Variants in SPTLC3 observed in about 807,000 individuals in gnomAD.
SPTLC3 encodes serine palmitoyltransferase 3.
Under a neutral mutation model 59.3 loss-of-function variants are expected in SPTLC3, and 36 were observed. The ratio of observed to expected loss-of-function variants is 0.61; its 90% CI spans 0.47 to 0.80. The LOEUF (loss-of-function observed/expected upper bound fraction) is 0.80, where lower values mean the gene tolerates loss of function less well. Among genes scored for constraint, SPTLC3 ranks in the 30% least tolerant of loss-of-function variants. The pLI, the probability that SPTLC3 is intolerant of heterozygous loss-of-function variation, is 0.00. For missense variants in SPTLC3, 625 were observed against 685.1 expected, an observed-to-expected ratio of 0.91 and a Z score of 0.98; for synonymous variants, 257 against 240.8, an observed-to-expected ratio of 1.07 and a Z score of -0.62.
chr20:13,155,283 T>TAC (rs1229108476), intron 10 of SPTLC3, among the ~76,000 whole-genome samples: 1 of 152,184 alleles, frequency 6.6e-6, no homozygotes, highest in Non-Finnish European at 1.5e-5. Flanking sequence ...TTCAACATAC[T>TAC]ACGCATCAGA....
At chr20:13,076,095 A>G (rs1236965224) in intron 4 of SPTLC3, among the ~76,000 whole-genome samples, 1 of 152,202 alleles carries the variant, frequency 6.6e-6, no homozygotes, top group Non-Finnish European at 1.5e-5. Context: ...GTCAAGTTCT[A>G]AGAAAAGGAC....
intron 2 of SPTLC3, among the ~76,000 whole-genome samples, chr20:13,058,438 G>T (rs1987816252): frequency 6.6e-6 from 1 of 152,164 alleles, no homozygotes; most frequent in Admixed American, 6.5e-5. Context: ...CAGCTTATGG[G>T]ATAGAAATAT....
intron 9 of SPTLC3, among the ~76,000 whole-genome samples, chr20:13,152,494 G>T (rs1396485810): frequency 6.6e-6 from 1 of 152,154 alleles, no homozygotes; most frequent in East Asian, 1.9e-4. Context: ...TGATCCATCA[G>T]GACTCTCAGT....
rs927587036 is a variant in SPTLC3, at chr20:13,159,887, A to C, written c.1416-116A>C. On this transcript the variant is annotated intron_variant, in intron 10 of 11. Transcript: ENST00000399002. ...TCAATCATCTTCCACTTATTATCAT[A>C]AAAAAGAAAAAAGAAAAAAGAAAAA... The C allele has an allele frequency of 2.3e-6, 3 of 1,322,618 alleles. No homozygotes were observed. In the Admixed American group the frequency reaches 7.4e-5, roughly 32 times the overall value. The allele number at this position is 1,322,618 out of a possible 1,614,324, so 81.9% of individuals were successfully genotyped here.
chr20:13,091,043 G>A (rs750412715), intron 4 of SPTLC3, 40 bp from the exon 5 acceptor site: 6 of 1,608,144 alleles, frequency 3.7e-6, no homozygotes, highest in African/African-American at 2.7e-5. Context: ...TGGCCTTGTT[G>A]AAAAGAGAAG....
chr20:13,012,022 T>C (rs1050841512), intron 1 of SPTLC3, among the ~76,000 whole-genome samples: 9 of 152,234 alleles, frequency 5.9e-5, no homozygotes, highest in Non-Finnish European at 1.2e-4. Flanking sequence ...TACTTAATTC[T>C]ATATAATTAC....
At position 13,072,243 on chromosome 20, in the gene SPTLC3, T is replaced by C. The variant is rs759212970; in HGVS notation, c.304-13T>C. 6.2e-7 allele frequency: 1 copy of C among 1,606,644 alleles called. No homozygotes were observed. The highest frequency in any genetic ancestry group is 8.5e-7 in the Non-Finnish European group (1 of 1,177,554). On this transcript the variant is annotated splice_polypyrimidine_tract_variant and intron_variant, in intron 2 of 11. Transcript: ENST00000399002. ...AAAGAACCAGAGATAACCTTCTACC[T>C]CTGTTCTAACAGGATTTTGTGCCAC...
At chr20:13,140,363 A>C (rs1289534304) in intron 9 of SPTLC3, among the ~76,000 whole-genome samples, 1 of 152,194 alleles carries the variant, frequency 6.6e-6, no homozygotes, top group Non-Finnish European at 1.5e-5. Flanking sequence ...ACGAAAAGGA[A>C]GCTAATAAAT....
At chr20:13,151,340 A>AC (rs1459563621) in intron 9 of SPTLC3, among the ~76,000 whole-genome samples, 1 of 152,194 alleles carries the variant, frequency 6.6e-6, no homozygotes, top group Non-Finnish European at 1.5e-5. Flanking sequence ...CCTATGATAG[A>AC]CCAGTGTATG....
At chr20:13,029,070 C>T (rs969817591) in intron 1 of SPTLC3, among the ~76,000 whole-genome samples, 1 of 152,138 alleles carries the variant, frequency 6.6e-6, no homozygotes, top group Non-Finnish European at 1.5e-5. Context: ...ACTATTTGTC[C>T]ACCCATGCAA....
At chr20:13,072,646 C>T (rs994095939) in intron 3 of SPTLC3, among the ~76,000 whole-genome samples, 2 of 152,146 alleles carry the variant, frequency 1.3e-5, no homozygotes, top group Admixed American at 6.5e-5. Context: ...TCAGAAGGTG[C>T]AGGACACACC....
chr20:13,025,779 T>C (rs1018110778), intron 1 of SPTLC3, among the ~76,000 whole-genome samples: 3 of 152,138 alleles, frequency 2.0e-5, no homozygotes, highest in Admixed American at 6.6e-5. Flanking sequence ...GCCTGTTATA[T>C]AGGTAAACTT....
chr20:13,052,713 C>A lies in SPTLC3; in HGVS notation c.303+3583C>A, dbSNP rs574814175. 5.9e-5 allele frequency among the ~76,000 whole-genome samples: 9 copies of A among 152,310 alleles called. No individual in the cohort carries two copies. In the South Asian group the frequency reaches 1.9e-3, roughly 32 times the overall value. ...CACTCAAGCTCAGTAGCAGGAGGGG[C>A]ATCCACCATTACTGAGGCTTGAGTA... On this transcript the variant is annotated intron_variant, in intron 2 of 11. Transcript: ENST00000399002.
At chr20:13,019,287 A>G (rs1985739103) in intron 1 of SPTLC3, among the ~76,000 whole-genome samples, 1 of 152,222 alleles carries the variant, frequency 6.6e-6, no homozygotes, top group Non-Finnish European at 1.5e-5. Context: ...AAATGTTGGC[A>G]TCTAATTTTT....
rs200272536 is a variant in SPTLC3, at chr20:13,163,951, C to T, written c.1546-803C>T. Among the ~76,000 whole-genome samples the T allele has an allele frequency of 3.3e-5, 5 of 151,894 alleles. No homozygotes were observed. The East Asian group carries it at 9.6e-4, about 29-fold the overall frequency. Reference sequence around the variant, plus strand: ...TAAGTTTTAGGGTACATGTGCACAACGTGCAGGTTTGTTACATATGTATAC... The same window carrying T: ...TAAGTTTTAGGGTACATGTGCACAATGTGCAGGTTTGTTACATATGTATAC... On this transcript the variant is annotated intron_variant, in intron 11 of 11. Coordinates refer to ENST00000399002, the MANE Select transcript of SPTLC3 (RefSeq NM_018327.4).
chr20:13,009,381 C>T lies in SPTLC3; in HGVS notation c.114C>T (p.Ala38=). 1 of 1,613,456 alleles carries T rather than the reference C, an allele frequency of 6.2e-7. No homozygotes were observed. Among genetic ancestry groups the T allele is most frequent in the Non-Finnish European group, 8.5e-7 (1 of 1,179,510 alleles). Residue 38 remains alanine (A), a synonymous_variant, in exon 1 of 12, where the codon GCC becomes GCT. Transcript: ENST00000399002. The stretch of plus-strand genomic sequence containing the variant: ...CAAAGAATGGAATAGTGAAGGAAGC[C>T]CAGGTAAGAGGCACTCTCCCCTACT... ...NCTKNGIVKE[A]QQNGKPHFYD... is the part of the protein sequence containing the mutation.
intron 2 of SPTLC3, among the ~76,000 whole-genome samples, chr20:13,055,348 G>A (rs1012805418): frequency 2.0e-5 from 3 of 152,008 alleles, no homozygotes; most frequent in African/African-American, 7.3e-5. Context: ...ATGTAACTGG[G>A]AAAATGGGAT....
chr20:13,119,141 G>A (rs1990759036), intron 8 of SPTLC3, among the ~76,000 whole-genome samples: 1 of 152,186 alleles, frequency 6.6e-6, no homozygotes, highest in Non-Finnish European at 1.5e-5. Flanking sequence ...CCTGATCCTG[G>A]CTACATTGCT....
intron 9 of SPTLC3, among the ~76,000 whole-genome samples, chr20:13,153,774 A>G (rs1163453562): frequency 6.6e-6 from 1 of 152,102 alleles, no homozygotes; most frequent in African/African-American, 2.4e-5. Context: ...AGTTGCTTGC[A>G]GCACCTCGTA....
Sources: allele counts gnomAD v4.1 joint callset (sites outside exome capture counted in the v4.1 genomes callset), GRCh38; gene constraint gnomAD v4.1.1; transcripts MANE v1.5; gene names NCBI Gene and HGNC (gene_info 2026-07-23, HGNC 2026-07-21).